The following SPMIP7 variants were observed in gnomAD, a reference collection of about 807,000 sequenced individuals.
SPMIP7 encodes sperm microtubule inner protein 7, also known as protein SPMIP7.
the SPMIP7 span, among the ~76,000 whole-genome samples, chr7:50,107,729 G>A: frequency 1.1e-4 from 17 of 152,236 alleles, no homozygotes; most frequent in African/African-American, 3.9e-4. Context: ...GTTTATTTCT[G>A]ATATCTCCCT....
chr7:50,117,578 G>T, the SPMIP7 span, among the ~76,000 whole-genome samples: 10 of 152,202 alleles, frequency 6.6e-5, no homozygotes, highest in Non-Finnish European at 1.5e-4. Context: ...TGCAGGTGAA[G>T]ACCACAATTG....
chr7:50,141,727 C>CTTTATTTTTTTTTTTT, the SPMIP7 span: 1 of 76,856 alleles, frequency 1.3e-5, no homozygotes, highest in Admixed American at 2.0e-4. Context: ...AGAGGAATCA[C>CTTTATTTTTTTTTTTT]TTTTTTTTTT....
At chr7:50,138,943 T>C in the SPMIP7 span, among the ~76,000 whole-genome samples, 1 of 152,198 alleles carries the variant, frequency 6.6e-6, no homozygotes, top group South Asian at 2.1e-4. Context: ...GCAAGATTTT[T>C]GATAAAATTT....
chr7:50,133,281 C>A, the SPMIP7 span, among the ~76,000 whole-genome samples: 43,286 of 151,828 alleles, frequency 0.29, 7,852 homozygotes, highest in Non-Finnish European at 0.42. Context: ...TGTCATAGGA[C>A]GGCTGAAGCC....
At chr7:50,109,651 A>G in the SPMIP7 span, among the ~76,000 whole-genome samples, 1 of 152,170 alleles carries the variant, frequency 6.6e-6, no homozygotes, top group Non-Finnish European at 1.5e-5. Flanking sequence ...CTGGGTTTAC[A>G]GGTGTGAGCC....
At chr7:50,135,343 A>G in the SPMIP7 span, among the ~76,000 whole-genome samples, 1 of 152,208 alleles carries the variant, frequency 6.6e-6, no homozygotes, top group Non-Finnish European at 1.5e-5. Context: ...GAGTACACAA[A>G]ATCCATAGGA....
At chr7:50,125,337 T>TACATATATATACAC in the SPMIP7 span, among the ~76,000 whole-genome samples, 2 of 146,328 alleles carry the variant, frequency 1.4e-5, no homozygotes, top group Non-Finnish European at 3.0e-5. Flanking sequence ...CACATATATA[T>TACATATATATACAC]ACATATATAT....
the SPMIP7 span, chr7:50,142,686 G>C: frequency 6.6e-6 from 1 of 152,140 alleles, no homozygotes; most frequent in Non-Finnish European, 1.5e-5. Context: ...AAACTCCTGT[G>C]TATCCCCCAC....
chr7:50,134,280 T>G, the SPMIP7 span: 1 of 1,482,454 alleles, frequency 6.7e-7, no homozygotes, highest in Non-Finnish European at 8.9e-7. Flanking sequence ...AATGTATTTC[T>G]CATTGTTATT....
the SPMIP7 span, among the ~76,000 whole-genome samples, chr7:50,103,061 TATATA>T: frequency 2.8e-5 from 4 of 142,804 alleles, no homozygotes; most frequent in Admixed American, 7.1e-5. Flanking sequence ...TTTATATATA[TATATA>T]ATATATATAA....
the SPMIP7 span, among the ~76,000 whole-genome samples, chr7:50,121,713 G>A: frequency 2.6e-5 from 4 of 151,910 alleles, no homozygotes; most frequent in Admixed American, 1.3e-4. Flanking sequence ...GAGTGCAATG[G>A]CATGATCTCA....
the SPMIP7 span, among the ~76,000 whole-genome samples, chr7:50,114,099 A>AT: frequency 1.9e-4 from 29 of 152,130 alleles, no homozygotes; most frequent in African/African-American, 3.6e-4. Flanking sequence ...AAATAGAAAC[A>AT]TTTTTTGTAA....
chr7:50,140,291 T>C, the SPMIP7 span: 1 of 572,390 alleles, frequency 1.7e-6, no homozygotes, highest in Non-Finnish European at 2.9e-6. Context: ...TTATATATTG[T>C]AACACATTTC....
chr7:50,142,342 C>A, the SPMIP7 span, among the ~76,000 whole-genome samples: 1 of 152,134 alleles, frequency 6.6e-6, no homozygotes, highest in Non-Finnish European at 1.5e-5. Flanking sequence ...AGCAGTATGG[C>A]AACATTTTAA....
At chr7:50,123,849 C>T in the SPMIP7 span, among the ~76,000 whole-genome samples, 1 of 151,844 alleles carries the variant, frequency 6.6e-6, no homozygotes, top group African/African-American at 2.4e-5. Context: ...TTCCAGAAGC[C>T]AGTAATAAAA....
At chr7:50,107,176 C>CA in the SPMIP7 span, among the ~76,000 whole-genome samples, 1 of 151,614 alleles carries the variant, frequency 6.6e-6, no homozygotes, top group East Asian at 1.9e-4. Flanking sequence ...GCCAACATGG[C>CA]AAAACCCCAT....
the SPMIP7 span, among the ~76,000 whole-genome samples, chr7:50,148,954 G>A: frequency 6.6e-6 from 1 of 152,182 alleles, no homozygotes; most frequent in Admixed American, 6.5e-5. Context: ...AGACCAGCCT[G>A]ACCAACAGGG....
chr7:50,121,994 T>A, the SPMIP7 span, among the ~76,000 whole-genome samples: 10 of 152,164 alleles, frequency 6.6e-5, no homozygotes, highest in African/African-American at 2.2e-4. Flanking sequence ...TTCCAGGGAT[T>A]TGAACATGGA....
At chr7:50,112,949 G>A in the SPMIP7 span, among the ~76,000 whole-genome samples, 1 of 7,730 alleles carries the variant, frequency 1.3e-4, no homozygotes, top group Non-Finnish European at 3.5e-4. Flanking sequence ...ACTGATCTAT[G>A]TAAACATAAA....
Sources: allele counts gnomAD v4.1 joint callset (sites outside exome capture counted in the v4.1 genomes callset), GRCh38; gene constraint gnomAD v4.1.1; transcripts MANE v1.5; gene names NCBI Gene and HGNC (gene_info 2026-07-23, HGNC 2026-07-21).